MNAT1: variants seen among roughly 807,000 people sequenced by gnomAD.
The protein encoded by MNAT1 is MNAT1 component of CDK activating kinase.
MNAT1 carries 43 observed loss-of-function variants against 42.0 expected under a neutral mutation model. The ratio of observed to expected loss-of-function variants is 1.02; its 90% confidence interval spans 0.80 to 1.32. MNAT1 has a LOEUF of 1.32. MNAT1 is among the 40% of genes most tolerant of loss of function. The pLI is 0.00. For missense variants in MNAT1, 306 were observed against 350.4 expected (o/e 0.87, Z 1.01); for synonymous variants, 118 against 120.0 (o/e 0.98, Z 0.11).
chr14:60,881,313 TA>T (rs2034546979), intron 7 of MNAT1, among the ~76,000 whole-genome samples: 1 of 152,102 alleles, frequency 6.6e-6, no homozygotes, highest in Non-Finnish European at 1.5e-5. Flanking sequence ...GCCTCCCGAG[TA>T]GCTGAGGCTG....
In MNAT1 at chr14:60,740,140, G is replaced by A. The variant is rs536108083; in HGVS notation, c.89+5189G>A. Among the ~76,000 whole-genome samples the A allele has an allele frequency of 1.2e-4, 18 of 152,312 alleles. No individual in the cohort carries two copies. The highest frequency in any genetic ancestry group is 1.2e-3 in the Admixed American group (18 of 15,300). The stretch of plus-strand genomic sequence containing the variant: ...ACTGCACTCCAGCCTAGGCTACAGA[G>A]CAAGACTCCATCTTAAAAAAAAATT... On this transcript the variant is annotated intron_variant, in intron 1 of 7. Coordinates refer to ENST00000261245, the MANE Select transcript of MNAT1 (RefSeq NM_002431.4). This position sits in a 1 kb window ranked among gnomAD's most constrained non-coding sequence, Gnocchi z 4.1.
chr14:60,826,025 A>T (rs2104075), intron 6 of MNAT1, among the ~76,000 whole-genome samples: 19,739 of 152,214 alleles, frequency 0.13, 1,352 homozygotes, highest in Middle Eastern at 0.2. Flanking sequence ...AACCTAGAGA[A>T]AGTTGAAGGG....
chr14:60,912,647 GC>G (rs1236846592), intron 7 of MNAT1, among the ~76,000 whole-genome samples: 1 of 152,100 alleles, frequency 6.6e-6, no homozygotes, highest in African/African-American at 2.4e-5. Flanking sequence ...TTGAATATTG[GC>G]CCCCACTGTC....
At chr14:60,849,027 G>A (rs2033752523) in intron 6 of MNAT1, among the ~76,000 whole-genome samples, 1 of 152,100 alleles carries the variant, frequency 6.6e-6, no homozygotes, top group South Asian at 2.1e-4. Context: ...GTGAGCAATA[G>A]CCAGGCAACT....
intron 6 of MNAT1, among the ~76,000 whole-genome samples, chr14:60,826,974 G>A (rs2033074558): frequency 6.6e-6 from 1 of 151,928 alleles, no homozygotes. Context: ...AGGCACATTG[G>A]TCATCTCATA....
At chr14:60,927,322 C>A (rs372379119) in intron 7 of MNAT1, among the ~76,000 whole-genome samples, 1 of 152,284 alleles carries the variant, frequency 6.6e-6, no homozygotes, top group Non-Finnish European at 1.5e-5. Context: ...TTTTAGTGTG[C>A]TACTACCAAA....
intron 6 of MNAT1, among the ~76,000 whole-genome samples, chr14:60,877,231 T>C (rs1215940387): frequency 6.6e-6 from 1 of 152,078 alleles, no homozygotes; most frequent in Non-Finnish European, 1.5e-5. Flanking sequence ...CTATTGGCAA[T>C]ATGTATATCT....
chr14:60,864,375 A>G (rs2034160728), intron 6 of MNAT1, among the ~76,000 whole-genome samples: 2 of 152,014 alleles, frequency 1.3e-5, no homozygotes, highest in African/African-American at 2.4e-5. Flanking sequence ...AGTGCCTAAC[A>G]TCTACCAAAT....
intron 7 of MNAT1, among the ~76,000 whole-genome samples, chr14:60,951,218 C>G (rs1273404743): frequency 6.7e-6 from 1 of 149,186 alleles, no homozygotes; most frequent in Non-Finnish European, 1.5e-5. Flanking sequence ...TTTCCTCCTT[C>G]TGAACAAAAC....
intron 1 of MNAT1, among the ~76,000 whole-genome samples, chr14:60,782,853 A>G (rs552050163): frequency 3.5e-4 from 53 of 152,274 alleles, no homozygotes; most frequent in African/African-American, 1.2e-3. Flanking sequence ...TCAATAAATA[A>G]TTGCTCAGGA....
intron 7 of MNAT1, among the ~76,000 whole-genome samples, chr14:60,951,830 G>A (rs966461925): frequency 5.3e-5 from 8 of 151,632 alleles, no homozygotes; most frequent in East Asian, 3.9e-4. Flanking sequence ...GTCTTGGATC[G>A]TGAAGGCATA....
At chr14:60,964,165 A>C (rs562179638) in intron 7 of MNAT1, among the ~76,000 whole-genome samples, 1 of 152,310 alleles carries the variant, frequency 6.6e-6, no homozygotes, top group Admixed American at 6.5e-5. Flanking sequence ...TTGGGAGCAA[A>C]AGCTGCAAAA....
intron 6 of MNAT1, among the ~76,000 whole-genome samples, chr14:60,851,754 A>G (rs1311986263): frequency 6.6e-6 from 1 of 151,948 alleles, no homozygotes; most frequent in African/African-American, 2.4e-5. Context: ...CCCTGTGTCC[A>G]TGTGTTTTCA....
At chr14:60,918,014 A>G (rs2035563781) in intron 7 of MNAT1, among the ~76,000 whole-genome samples, 1 of 151,878 alleles carries the variant, frequency 6.6e-6, no homozygotes, top group Non-Finnish European at 1.5e-5. Context: ...CAGCAGGTTT[A>G]AGCTTATCAT....
At chr14:60,956,135 A>G (rs915969612) in intron 7 of MNAT1, among the ~76,000 whole-genome samples, 1 of 151,942 alleles carries the variant, frequency 6.6e-6, no homozygotes, top group Non-Finnish European at 1.5e-5. Flanking sequence ...GTCTTTTATT[A>G]GTATAAATTT....
intron 1 of MNAT1, among the ~76,000 whole-genome samples, chr14:60,787,126 C>T (rs1275237035): frequency 6.6e-6 from 1 of 152,094 alleles, no homozygotes; most frequent in Non-Finnish European, 1.5e-5. Flanking sequence ...CCTTATTACT[C>T]GTATGCAGAC....
chr14:60,803,866 T>C (rs2032285808), intron 3 of MNAT1, among the ~76,000 whole-genome samples: 1 of 152,226 alleles, frequency 6.6e-6, no homozygotes, highest in Non-Finnish European at 1.5e-5. Flanking sequence ...ACATTTTCAA[T>C]AGAAGGGGCA....
intron 7 of MNAT1, among the ~76,000 whole-genome samples, chr14:60,898,041 A>C (rs1381629411): frequency 6.6e-6 from 1 of 150,518 alleles, no homozygotes; most frequent in Non-Finnish European, 1.5e-5. Context: ...AATTCCCTCC[A>C]TGTTGCTGCA....
chr14:60,918,536 C>T (rs907899239), intron 7 of MNAT1, among the ~76,000 whole-genome samples: 2 of 151,666 alleles, frequency 1.3e-5, no homozygotes, highest in African/African-American at 2.4e-5. Context: ...GATTTTCTCC[C>T]TTCCAAATAC....
Sources: gnomAD v4.1 joint callset for allele counts (sites outside exome capture counted in the v4.1 genomes callset) on GRCh38, gnomAD v4.1.1 for gene constraint, Gnocchi (gnomAD v3.1) non-coding constraint, MANE v1.5 for transcripts, NCBI Gene and HGNC (gene_info 2026-07-23, HGNC 2026-07-21) for gene names.